DLG2: variants seen among roughly 807,000 people sequenced by gnomAD.
DLG2 encodes discs large MAGUK scaffold protein 2.
In DLG2, 45 loss-of-function variants were observed where a neutral mutation model predicts 132.5. That is an observed-to-expected ratio of 0.34 (90% CI 0.27 to 0.44). The LOEUF (loss-of-function observed/expected upper bound fraction) is 0.44. DLG2 is among the 20% of genes least tolerant of loss of function. The pLI, the probability that DLG2 is intolerant of heterozygous loss-of-function variation, is 1.00. For missense variants in DLG2, 1,045 were observed against 1,196.9 expected (o/e 0.87, Z 1.87); for synonymous variants, 424 against 419.6 (o/e 1.01, Z -0.13).
intron 3 of DLG2, among the ~76,000 whole-genome samples, chr11:85,383,372 T>C (rs2086060010): frequency 6.6e-6 from 1 of 152,186 alleles, no homozygotes; most frequent in African/African-American, 2.4e-5. Flanking sequence ...ATAAAAATGT[T>C]CTGGAATTAT....
At chr11:84,397,077 G>A (rs2098813490) in intron 7 of DLG2, among the ~76,000 whole-genome samples, 1 of 152,070 alleles carries the variant, frequency 6.6e-6, no homozygotes, top group Admixed American at 6.5e-5. Flanking sequence ...TCATTACAGT[G>A]TCTTTCCTGT....
chr11:84,159,277 A>G (rs2095495113), intron 9 of DLG2, among the ~76,000 whole-genome samples: 1 of 152,222 alleles, frequency 6.6e-6, no homozygotes, highest in South Asian at 2.1e-4. Context: ...ACTATAAATA[A>G]ATAATATACA....
chr11:84,491,934 T>C (rs2099166273), intron 7 of DLG2, among the ~76,000 whole-genome samples: 1 of 152,168 alleles, frequency 6.6e-6, no homozygotes, highest in African/African-American at 2.4e-5. Context: ...CTTTATCTCC[T>C]ATAAAAGGAA....
rs570660619 is a variant in DLG2 at position 84,409,254 on chromosome 11, G to A, written c.519+125316C>T. Among the ~76,000 whole-genome samples the A allele has an allele frequency of 2.0e-5, 3 of 152,266 alleles. No homozygotes were observed. In the South Asian group the frequency reaches 6.2e-4, roughly 32 times the overall value. ...AGACCAGCCATTTAGCAATTAGGAT[G>A]AATCACATGCACTTCAGGACTTAGA... On this transcript the variant is annotated intron_variant, in intron 7 of 27. Transcript: ENST00000376104.
Position 83,459,312 on chromosome 11 carries a change from A to T in DLG2, c.*506T>A, listed in dbSNP as rs4533060. The T allele has an allele frequency of 6.5e-5, 10 of 152,818 alleles. No individual in the cohort carries two copies. The highest frequency in any genetic ancestry group is 2.4e-4 in the African/African-American group (10 of 41,454). The allele number at this position is 152,818 out of a possible 1,614,324, so 9.5% of individuals were successfully genotyped here. On this transcript the variant is annotated 3_prime_UTR_variant, in exon 28 of 28. Coordinates refer to ENST00000376104, the MANE Select transcript of DLG2 (RefSeq NM_001142699.3). Reference sequence around the variant, plus strand: ...ACTTATCCTTCCCTGATAGTATGTCATCTCCAAAGGGATTCCTTTCTTTTT... The same window carrying T: ...ACTTATCCTTCCCTGATAGTATGTCTTCTCCAAAGGGATTCCTTTCTTTTT...
chr11:84,097,898 T>C (rs372849851), intron 10 of DLG2, among the ~76,000 whole-genome samples: 31 of 152,242 alleles, frequency 2.0e-4, no homozygotes, highest in African/African-American at 6.7e-4. Context: ...TTTTATGTTA[T>C]TTACCCCATG....
intron 3 of DLG2, among the ~76,000 whole-genome samples, chr11:85,556,614 A>C (rs575854703): frequency 6.6e-6 from 1 of 151,880 alleles, no homozygotes; most frequent in Admixed American, 6.6e-5. Flanking sequence ...TATATAACTA[A>C]TTTACTTATT....
At position 83,841,901 on chromosome 11, in the gene DLG2, G is replaced by A. The variant is rs116469218; in HGVS notation, c.1566-8131C>T. ...TAGGAGGAGCCACATGTAAACAAAC[G>A]CTTATAGAAGCCTAGGAAGTGGACA... is the stretch of plus-strand genomic sequence containing the variant. On this transcript the variant is annotated intron_variant, in intron 16 of 27. Coordinates refer to ENST00000376104, the MANE Select transcript of DLG2 (RefSeq NM_001142699.3). Among the ~76,000 whole-genome samples the A allele has an allele frequency of 1.5e-3, 232 of 152,244 alleles. 1 individual carries two copies. Among genetic ancestry groups the A allele is most frequent in the African/African-American group, 5.3e-3 (219 of 41,546 alleles).
At chr11:83,571,532 G>A (rs111410504) in intron 19 of DLG2, among the ~76,000 whole-genome samples, 9 of 145,322 alleles carry the variant, frequency 6.2e-5, no homozygotes, top group African/African-American at 2.3e-4. Context: ...AATTTGTAAG[G>A]ATTAAATTAA....
intron 3 of DLG2, among the ~76,000 whole-genome samples, chr11:85,377,467 G>T (rs1403292512): frequency 6.6e-6 from 1 of 152,054 alleles, no homozygotes; most frequent in Non-Finnish European, 1.5e-5. Flanking sequence ...GGGCTTGAAT[G>T]TCTAAAAATT....
chr11:84,210,076 A>G (rs906699986), intron 8 of DLG2, among the ~76,000 whole-genome samples: 1 of 152,068 alleles, frequency 6.6e-6, no homozygotes, highest in African/African-American at 2.4e-5. Flanking sequence ...TGAGGTCAGG[A>G]GTTCAAGACC....
intron 7 of DLG2, among the ~76,000 whole-genome samples, chr11:84,497,883 T>C (rs765075994): frequency 1.3e-5 from 2 of 152,078 alleles, no homozygotes; most frequent in Non-Finnish European, 2.9e-5. Context: ...GAAGGAGACA[T>C]TAAAAGGTAT....
intron 6 of DLG2, among the ~76,000 whole-genome samples, chr11:84,809,451 T>C (rs1281537333): frequency 2.8e-5 from 3 of 105,944 alleles, no homozygotes; most frequent in African/African-American, 1.2e-4. Context: ...AAAATAAAAG[T>C]CATAAGAAAG....
At chr11:83,577,838 A>C (rs1442578134) in intron 19 of DLG2, among the ~76,000 whole-genome samples, 1 of 126,524 alleles carries the variant, frequency 7.9e-6, no homozygotes. Flanking sequence ...AATATATATT[A>C]TATAATTATA....
chr11:85,476,776 T>A (rs779840885), intron 3 of DLG2, among the ~76,000 whole-genome samples: 1 of 152,110 alleles, frequency 6.6e-6, no homozygotes, highest in Non-Finnish European at 1.5e-5. Flanking sequence ...GGATCTGTTA[T>A]CTACTATGAT....
chr11:83,820,875 C>T (rs568234406), intron 17 of DLG2, among the ~76,000 whole-genome samples: 22 of 152,188 alleles, frequency 1.4e-4, no homozygotes, highest in African/African-American at 5.1e-4. Context: ...TCCAACCAAC[C>T]GACACTTAAA....
At chr11:85,401,452 C>T (rs2088097381) in intron 3 of DLG2, among the ~76,000 whole-genome samples, 1 of 152,126 alleles carries the variant, frequency 6.6e-6, no homozygotes, top group Admixed American at 6.6e-5. Context: ...CCTCTCTCAC[C>T]ACTCCTATTC....
intron 6 of DLG2, among the ~76,000 whole-genome samples, chr11:84,842,366 T>C (rs1184351254): frequency 1.3e-5 from 2 of 151,996 alleles, no homozygotes. Context: ...ATGCATGATG[T>C]GCAGGATTCA....
intron 3 of DLG2, among the ~76,000 whole-genome samples, chr11:85,482,641 G>T (rs2153091642): frequency 6.6e-6 from 1 of 152,208 alleles, no homozygotes; most frequent in Middle Eastern, 3.4e-3. Context: ...AAAGATCCCA[G>T]GCTCCAGGCC....
Sources: gnomAD v4.1 joint callset for allele counts (sites outside exome capture counted in the v4.1 genomes callset) on GRCh38, gnomAD v4.1.1 for gene constraint, MANE v1.5 for transcripts, NCBI Gene and HGNC (gene_info 2026-07-23, HGNC 2026-07-21) for gene names.